The following ETFBKMT variants were observed in gnomAD, a reference collection of about 807,000 sequenced individuals.
The protein encoded by ETFBKMT is electron transfer flavoprotein subunit beta lysine methyltransferase.
In ETFBKMT, 13 loss-of-function variants were observed where a neutral mutation model predicts 18.3. The observed-to-expected ratio is 0.71, with a 90% confidence interval of 0.46 to 1.13. The LOEUF is 1.13. ETFBKMT is among the 50% of genes most tolerant of loss of function. ETFBKMT has a pLI of 0.00. For synonymous variants in ETFBKMT, 84 were observed against 107.9 expected (o/e 0.78, Z 1.37); for missense variants, 293 against 306.2 (o/e 0.96, Z 0.32).
chr12:31,652,179 C>A (rs1951023623), intron 1 of ETFBKMT, among the ~76,000 whole-genome samples: 1 of 152,174 alleles, frequency 6.6e-6, no homozygotes, highest in Non-Finnish European at 1.5e-5. Context: ...CTATAAACTT[C>A]GGCGCATCCA....
chr12:31,672,322 C>G lies in ETFBKMT; in HGVS notation c.*4332C>G. ...AAAAGCATCAATAAACAGTCCATGT[C>G]ACTTGCTTTAGTTTGTTTGGGCCTA... On this transcript the variant is annotated 3_prime_UTR_variant, in exon 4 of 4. Coordinates refer to ENST00000357721, the MANE Select transcript of ETFBKMT (RefSeq NM_001135863.2). The G allele has an allele frequency of 6.3e-7, 1 of 1,577,412 alleles. No homozygotes were observed. The highest frequency in any genetic ancestry group is 1.2e-5 in the South Asian group (1 of 86,194).
At chr12:31,650,409 A>G (rs987802442) in intron 1 of ETFBKMT, among the ~76,000 whole-genome samples, 6 of 152,170 alleles carry the variant, frequency 3.9e-5, no homozygotes, top group Admixed American at 3.9e-4. Flanking sequence ...ATCAAGAAAT[A>G]ACCATAAAAA....
chr12:31,654,946 C>T (rs1044483712), upstream of ETFBKMT, among the ~76,000 whole-genome samples: 4 of 151,832 alleles, frequency 2.6e-5, no homozygotes, highest in Non-Finnish European at 4.4e-5. Context: ...ATCCCAGGTA[C>T]TCGGGAGGCT....
chr12:31,659,151 G>A (rs942911032), upstream of ETFBKMT: 1 of 152,256 alleles, frequency 6.6e-6, no homozygotes, highest in African/African-American at 2.4e-5. Context: ...TAAGAAAGTG[G>A]AGGAGAAAGA....
At chr12:31,652,025 G>A (rs548518416) in intron 1 of ETFBKMT, among the ~76,000 whole-genome samples, 2 of 152,224 alleles carry the variant, frequency 1.3e-5, no homozygotes, top group Non-Finnish European at 1.5e-5. Context: ...CAGACAAGAT[G>A]GTGTTGATCA....
At chr12:31,663,333 C>T (rs988259020) in intron 2 of ETFBKMT, among the ~76,000 whole-genome samples, 42 of 151,858 alleles carry the variant, frequency 2.8e-4, no homozygotes, top group African/African-American at 8.5e-4. Flanking sequence ...CCTCGTGATC[C>T]GCCCTCCTCG....
In ETFBKMT at chr12:31,670,299, G is replaced by C. The variant is rs995610795; in HGVS notation, c.*2309G>C. The C allele has an allele frequency of 6.6e-6, 1 of 152,170 alleles. No individual in the cohort carries two copies. Among genetic ancestry groups the C allele is most frequent in the Non-Finnish European group, 1.5e-5 (1 of 68,048 alleles). 9.4% of individuals were successfully genotyped at this position (152,170 alleles called of 1,614,324 possible). A position where few individuals can be genotyped will look rare whatever the true frequency, so the allele number is the denominator to read the frequency against. ...TTGTATTTGCGTTTCTAATTTGTGA[G>C]GCATTCTCTCTTTAACCTTAATTCT... On this transcript the variant is annotated 3_prime_UTR_variant, in exon 4 of 4. Transcript: ENST00000357721.
Position 31,672,238 on chromosome 12 carries a change from A to C in ETFBKMT, c.*4248A>C. 1.8e-6 allele frequency: 2 copies of C among 1,081,782 alleles called. No individual in the cohort carries two copies. Among genetic ancestry groups the C allele is most frequent in the Non-Finnish European group, 2.8e-6 (2 of 721,314 alleles). 67.0% of individuals were successfully genotyped at this position (1,081,782 alleles called of 1,614,324 possible). A position where few individuals can be genotyped will look rare whatever the true frequency, so the allele number is the denominator to read the frequency against. ...AACATTAAGTAGAATGCAAATCTCT[A>C]TAGATGGTTTCCTGGGAAAGTAGTT... is the stretch of plus-strand genomic sequence containing the variant. On this transcript the variant is annotated 3_prime_UTR_variant, in exon 4 of 4. Coordinates refer to ENST00000357721, the MANE Select transcript of ETFBKMT (RefSeq NM_001135863.2).
In ETFBKMT at chr12:31,662,072, G is replaced by A; in HGVS notation, c.119G>A (p.Gly40Glu). Residue 40 changes from glycine (G) to glutamate (E), a missense_variant, in exon 2 of 4, where the codon GGA (glycine) becomes GAA (glutamate). Coordinates refer to ENST00000357721, the MANE Select transcript of ETFBKMT (RefSeq NM_001135863.2). ...PCGQCPWRGA[G>E]SFLDPEIKAF... is the part of the protein sequence containing the mutation. ...GGCCAGTGTCCCTGGAGAGGAGCTG[G>A]AAGCTTTTTGGACCCTGAGATAAAG... is the stretch of plus-strand genomic sequence containing the variant. 4 of 1,614,204 alleles carry A rather than the reference G, an allele frequency of 2.5e-6. No individual in the cohort carries two copies. The highest frequency in any genetic ancestry group is 3.4e-6 in the Non-Finnish European group (4 of 1,180,036).
chr12:31,668,543 G>A lies in ETFBKMT; in HGVS notation c.*553G>A, dbSNP rs911413410. ...TCTCAGCTCTGTCGTCCAGGCTGGA[G>A]TGCAGTGACTCATGTCTCGGCTCAC... On this transcript the variant is annotated 3_prime_UTR_variant, in exon 4 of 4. Transcript: ENST00000357721. 6.6e-6 allele frequency: 1 copy of A among 151,474 alleles called. No homozygotes were observed. Among genetic ancestry groups the A allele is most frequent in the Non-Finnish European group, 1.5e-5 (1 of 68,156 alleles). The allele number at this position is 151,474 out of a possible 1,614,324, so 9.4% of individuals were successfully genotyped here.
upstream of ETFBKMT, among the ~76,000 whole-genome samples, chr12:31,656,082 TTGAG>T (rs2139613856): frequency 6.6e-6 from 1 of 152,348 alleles, no homozygotes; most frequent in South Asian, 2.1e-4. Flanking sequence ...ACAGAGTTTA[TTGAG>T]TGTCTGTGCC....
At position 31,672,348 on chromosome 12, in the gene ETFBKMT, C is replaced by T; in HGVS notation, c.*4358C>T. 1 of 1,578,180 alleles carries T rather than the reference C, an allele frequency of 6.3e-7. No homozygotes were observed. Among genetic ancestry groups the T allele is most frequent in the African/African-American group, 1.3e-5 (1 of 74,238 alleles). On this transcript the variant is annotated 3_prime_UTR_variant, in exon 4 of 4. Transcript: ENST00000357721. ...ACTTGCTTTAGTTTGTTTGGGCCTA[C>T]TAATTGCTCCAACACTTCTCGGGAA...
At chr12:31,651,794 T>C (rs1343524038) in intron 1 of ETFBKMT, among the ~76,000 whole-genome samples, 3 of 152,172 alleles carry the variant, frequency 2.0e-5, no homozygotes, top group African/African-American at 4.8e-5. Flanking sequence ...CTTAGGCAGA[T>C]AGTAGGAGTA....
At chr12:31,657,134 C>T (rs547104092), upstream of ETFBKMT, among the ~76,000 whole-genome samples, 25 of 152,234 alleles carry the variant, frequency 1.6e-4, no homozygotes. Flanking sequence ...CCAAAAAACC[C>T]TTAAAGACAA....
intron 1 of ETFBKMT, among the ~76,000 whole-genome samples, chr12:31,648,929 A>G (rs1023743328): frequency 6.6e-6 from 1 of 151,554 alleles, no homozygotes; most frequent in African/African-American, 2.4e-5. Flanking sequence ...CGCCTGCCTC[A>G]GCCTCCCAAA....
At chr12:31,656,219 G>A (rs1951060725), upstream of ETFBKMT, among the ~76,000 whole-genome samples, 1 of 152,062 alleles carries the variant, frequency 6.6e-6, no homozygotes, top group Non-Finnish European at 1.5e-5. Context: ...GTGTAGGCTG[G>A]CATGTTGGGG....
intron 1 of ETFBKMT, among the ~76,000 whole-genome samples, chr12:31,653,769 G>A (rs967027643): frequency 4.6e-5 from 7 of 152,104 alleles, no homozygotes; most frequent in African/African-American, 1.7e-4. Flanking sequence ...CCAACATGGC[G>A]AAACCTGTCT....
intron 1 of ETFBKMT, among the ~76,000 whole-genome samples, chr12:31,661,626 A>AT: frequency 6.6e-6 from 1 of 151,932 alleles, no homozygotes; most frequent in Non-Finnish European, 1.5e-5. Flanking sequence ...CGCCTGGCTA[A>AT]TTTTTTGTAT....
chr12:31,671,320 T>A lies in ETFBKMT; in HGVS notation c.*3330T>A, dbSNP rs1165707096. 6.6e-6 allele frequency: 1 copy of A among 151,996 alleles called. No individual in the cohort carries two copies. The highest frequency in any genetic ancestry group is 2.4e-5 in the African/African-American group (1 of 41,374). 9.4% of individuals were successfully genotyped at this position (151,996 alleles called of 1,614,324 possible). On this transcript the variant is annotated 3_prime_UTR_variant, in exon 4 of 4. Transcript: ENST00000357721. ...AATCTTGTAAGGACAAGAAATGGAG[T>A]TGAATAAGTACCCCCCAACATATAC...
Sources: allele counts gnomAD v4.1 joint callset (sites outside exome capture counted in the v4.1 genomes callset), GRCh38; gene constraint gnomAD v4.1.1; transcripts MANE v1.5; gene names NCBI Gene and HGNC (gene_info 2026-07-23, HGNC 2026-07-21).